The following CDYL variants were observed in gnomAD, a reference collection of about 807,000 sequenced individuals.
CDYL encodes chromodomain Y like, also known as chromodomain Y-like protein.
Under a neutral mutation model 47.3 loss-of-function variants are expected in CDYL, and 8 were observed. The observed-to-expected ratio is 0.17, with a 90% CI of 0.10 to 0.31. The LOEUF (loss-of-function observed/expected upper bound fraction) is 0.31. Ranked by LOEUF, CDYL falls within the 10% of genes least tolerant of loss-of-function variation. CDYL has a pLI of 1.00. For synonymous variants in CDYL, 266 were observed against 265.0 expected (o/e 1.00, Z -0.04); for missense variants, 471 against 701.4 (o/e 0.67, Z 3.71).
intron 1 of CDYL, among the ~76,000 whole-genome samples, chr6:4,709,986 C>T (rs9504216): frequency 1 from 152,173 of 152,244 alleles, 76,052 homozygotes; most frequent in Non-Finnish European, 1. Context: ...TTTGGGAGGC[C>T]GAGGCGGGCA....
chr6:4,845,787 C>T (rs1003804017), intron 1 of CDYL, among the ~76,000 whole-genome samples: 2 of 152,172 alleles, frequency 1.3e-5, no homozygotes, highest in Non-Finnish European at 2.9e-5. Flanking sequence ...CTTTTTCCAA[C>T]CGCTGAAAAC....
chr6:4,812,157 T>C (rs1759548047), intron 1 of CDYL, among the ~76,000 whole-genome samples: 1 of 152,250 alleles, frequency 6.6e-6, no homozygotes. Flanking sequence ...GTACTGCCAA[T>C]GTGTGTTTAG....
chr6:4,725,167 G>C (rs986108066), intron 2 of CDYL, among the ~76,000 whole-genome samples: 2 of 152,210 alleles, frequency 1.3e-5, no homozygotes, highest in African/African-American at 2.4e-5. Flanking sequence ...TACAAACCTT[G>C]AGCTAGATAC....
chr6:4,799,370 A>G (rs1385446409), intron 1 of CDYL, among the ~76,000 whole-genome samples: 1 of 152,102 alleles, frequency 6.6e-6, no homozygotes, highest in Non-Finnish European at 1.5e-5. Flanking sequence ...AGATTATATA[A>G]TTCTCTGGTT....
intron 2 of CDYL, among the ~76,000 whole-genome samples, chr6:4,720,374 C>T (rs1349484158): frequency 6.6e-6 from 1 of 152,042 alleles, no homozygotes; most frequent in Non-Finnish European, 1.5e-5. Flanking sequence ...TTGTGAAATC[C>T]GATTTTCTAT....
intron 2 of CDYL, among the ~76,000 whole-genome samples, chr6:4,908,562 A>G (rs556539013): frequency 6.6e-6 from 1 of 152,256 alleles, no homozygotes; most frequent in African/African-American, 2.4e-5. Flanking sequence ...CCCACAGGCA[A>G]CCTATATCCT....
At chr6:4,879,951 G>T (rs566297429) in intron 1 of CDYL, among the ~76,000 whole-genome samples, 2 of 151,930 alleles carry the variant, frequency 1.3e-5, no homozygotes, top group African/African-American at 4.8e-5. Context: ...ATACCCTCTC[G>T]CACGCCCCTA....
rs1033503103 is a variant in CDYL at position 4,837,813 on chromosome 6, G to A, written c.25-53900G>A. 8.6e-5 allele frequency among the ~76,000 whole-genome samples: 13 copies of A among 151,796 alleles called. No individual in the cohort carries two copies. The East Asian group carries it at 1.2e-3, about 14-fold the overall frequency. The stretch of plus-strand genomic sequence containing the variant: ...GTTTAAGACAGAGTCTTGCTCTGTC[G>A]CCCAGGCTGGAGTGCAGTGGCATGC... On this transcript the variant is annotated intron_variant, in intron 1 of 6. Coordinates refer to ENST00000397588, the MANE Select transcript of CDYL (RefSeq NM_004824.4).
At chr6:4,926,924 T>G (rs186265932) in intron 2 of CDYL, among the ~76,000 whole-genome samples, 1 of 152,330 alleles carries the variant, frequency 6.6e-6, no homozygotes, top group East Asian at 1.9e-4. Context: ...CTGCAGGGAT[T>G]TGAATCCGAT....
At chr6:4,906,464 C>T (rs1046886247) in intron 2 of CDYL, among the ~76,000 whole-genome samples, 8 of 152,182 alleles carry the variant, frequency 5.3e-5, no homozygotes, top group African/African-American at 1.9e-4. Context: ...GCCTCTGTAC[C>T]TGCTTCATGA....
chr6:4,712,235 G>C (rs1757164576), intron 1 of CDYL, among the ~76,000 whole-genome samples: 1 of 152,128 alleles, frequency 6.6e-6, no homozygotes, highest in Non-Finnish European at 1.5e-5. Flanking sequence ...TTCAGGCTAG[G>C]AGCACATGTT....
intron 1 of CDYL, among the ~76,000 whole-genome samples, chr6:4,815,153 G>T (rs1464387354): frequency 1.3e-5 from 2 of 152,142 alleles, no homozygotes; most frequent in Admixed American, 1.3e-4. Context: ...ATGGAAATAG[G>T]ATATGTCTGT....
chr6:4,844,435 A>G (rs1355195460), intron 1 of CDYL, among the ~76,000 whole-genome samples: 1 of 151,982 alleles, frequency 6.6e-6, no homozygotes, highest in Non-Finnish European at 1.5e-5. Context: ...CTTCCTTCAG[A>G]GGGTTTGTGG....
chr6:4,948,777 T>C lies in CDYL; in HGVS notation c.1333-3489T>C, dbSNP rs181771818. 3.9e-5 allele frequency among the ~76,000 whole-genome samples: 6 copies of C among 152,330 alleles called. No homozygotes were observed. In the East Asian group the frequency reaches 9.7e-4, roughly 25 times the overall value. On this transcript the variant is annotated intron_variant, in intron 5 of 6. Transcript: ENST00000397588. ...TAACTCAAGAGCGAAGAGCCTGCATTTCACTCGGCGTGAATTCTACACTTT... is the reference window on the plus strand; with the variant it reads ...TAACTCAAGAGCGAAGAGCCTGCATCTCACTCGGCGTGAATTCTACACTTT...
In CDYL at chr6:4,821,333, A is replaced by G. The variant is rs183528749; in HGVS notation, c.24+44526A>G. 7.6e-3 allele frequency among the ~76,000 whole-genome samples: 936 copies of G among 122,972 alleles called. 14 individuals are homozygous for G. Among genetic ancestry groups the G allele is most frequent in the African/African-American group, 0.028 (870 of 31,128 alleles). The allele number at this position is 122,972 out of a possible 152,430, so 80.7% of individuals were successfully genotyped here. ...CACTCTGTCGCCCAGGCTGGAGTGC[A>G]GTGGTGTGATCTCGGCTTACTGCAA... is the stretch of plus-strand genomic sequence containing the variant. On this transcript the variant is annotated intron_variant, in intron 1 of 6. Coordinates refer to ENST00000397588, the MANE Select transcript of CDYL (RefSeq NM_004824.4).
intron 1 of CDYL, among the ~76,000 whole-genome samples, chr6:4,803,141 A>T (rs75469024): frequency 0.018 from 2,809 of 152,256 alleles, 98 homozygotes; most frequent in African/African-American, 0.064. Flanking sequence ...GATCACTTGC[A>T]TCCACCTATA....
intron 4 of CDYL, among the ~76,000 whole-genome samples, chr6:4,942,334 A>T (rs752064705): frequency 1.3e-5 from 2 of 152,126 alleles, no homozygotes; most frequent in South Asian, 4.2e-4. Context: ...CCTGCCAAAA[A>T]ATATGAGTCA....
intron 5 of CDYL, among the ~76,000 whole-genome samples, chr6:4,950,439 C>T (rs1363856345): frequency 6.6e-6 from 1 of 152,182 alleles, no homozygotes; most frequent in African/African-American, 2.4e-5. Context: ...AGGAAAACCC[C>T]GACAGCACAG....
At chr6:4,740,234 G>A (rs566302836) in intron 3 of CDYL, among the ~76,000 whole-genome samples, 1 of 152,098 alleles carries the variant, frequency 6.6e-6, no homozygotes, top group Non-Finnish European at 1.5e-5. Context: ...CTCATCCCAC[G>A]TGTGCTAACA....
Sources: allele counts gnomAD v4.1 joint callset (sites outside exome capture counted in the v4.1 genomes callset), GRCh38; gene constraint gnomAD v4.1.1; transcripts MANE v1.5; gene names NCBI Gene and HGNC (gene_info 2026-07-23, HGNC 2026-07-21).